Variants in TPP2 observed in about 807,000 individuals in gnomAD.
The protein encoded by TPP2 is tripeptidyl-peptidase 2.
Under a neutral mutation model 155.9 loss-of-function variants are expected in TPP2, and 34 were observed. The observed-to-expected ratio is 0.22, with a 90% CI of 0.17 to 0.29. The LOEUF (loss-of-function observed/expected upper bound fraction) is 0.29. Ranked by LOEUF, TPP2 falls within the 10% of genes least tolerant of loss-of-function variation. The probability of loss-of-function intolerance (pLI) is 1.00; values close to 1 mark genes in which losing one functional copy is unlikely to be tolerated. For missense variants in TPP2, 1,028 were observed against 1,522.3 expected (o/e 0.68, Z 5.40); for synonymous variants, 510 against 529.4 (o/e 0.96, Z 0.50).
rs559631717 is a variant in TPP2, at chr13:102,670,568, A to G, written c.3372-3715A>G. Among the ~76,000 whole-genome samples the G allele has an allele frequency of 1.5e-3, 234 of 152,304 alleles. 1 individual carries two copies. The highest frequency in any genetic ancestry group is 5.3e-3 in the African/African-American group (219 of 41,552). ...AACAAACAATTGAACTGAATATTGA[A>G]TATCGTGGGTCTGTGCAATCCTGTT... On this transcript the variant is annotated intron_variant, in intron 27 of 29. Transcript: ENST00000376052.
chr13:102,676,778 A>G (rs1020363485), intron 29 of TPP2, among the ~76,000 whole-genome samples: 1 of 152,182 alleles, frequency 6.6e-6, no homozygotes, highest in African/African-American at 2.4e-5. Context: ...TGGAGTTTAT[A>G]TTTGATTTTA....
In TPP2 at chr13:102,678,554, CT is replaced by C. The variant is rs1265214707; in HGVS notation, c.*239del. On this transcript the variant is annotated 3_prime_UTR_variant, in exon 30 of 30. Transcript: ENST00000376052. ...CACATTGCTGGCACGGGGATGTGCC[CT>C]GCCTGCCAGCACCTAGGACTTCGAG... 6 of 399,792 alleles carry C rather than the reference CT, an allele frequency of 1.5e-5. No homozygotes were observed. The highest frequency in any genetic ancestry group is 2.7e-5 in the Non-Finnish European group (6 of 221,948). 24.8% of individuals were successfully genotyped at this position (399,792 alleles called of 1,614,324 possible). A position where few individuals can be genotyped will look rare whatever the true frequency, so the allele number is the denominator to read the frequency against.
intron 19 of TPP2, 41 bp downstream of exon 19, chr13:102,645,050 G>T (rs780472348): frequency 5.8e-6 from 9 of 1,563,654 alleles, no homozygotes; most frequent in Non-Finnish European, 7.9e-6. Flanking sequence ...ATTGAATATA[G>T]ATTGGGGGGA....
intron 4 of TPP2, among the ~76,000 whole-genome samples, chr13:102,617,056 G>A (rs965125040): frequency 4.0e-5 from 6 of 151,080 alleles, no homozygotes; most frequent in Non-Finnish European, 7.4e-5. Flanking sequence ...TTACAGGCAC[G>A]TGCCACCACA....
At chr13:102,676,167 A>T (rs958848598) in intron 28 of TPP2, 129 bp from the exon 29 acceptor site, 29 of 845,450 alleles carry the variant, frequency 3.4e-5, no homozygotes, top group African/African-American at 5.4e-5. Context: ...AGTTTTTAAA[A>T]ATGTACTCTA....
At position 102,623,812 on chromosome 13, in the gene TPP2, A is replaced by G. The variant is rs142000374; in HGVS notation, c.784+772A>G. Among the ~76,000 whole-genome samples the G allele has an allele frequency of 2.0e-4, 31 of 152,310 alleles. No homozygotes were observed. The East Asian group carries it at 5.0e-3, about 25-fold the overall frequency. ...GGTATCTGGGGGGATTGGTTCTGGA[A>G]TGTCCCTCAGATGCTCAAGTACCTG... On this transcript the variant is annotated intron_variant, in intron 6 of 29. Coordinates refer to ENST00000376052, the MANE Select transcript of TPP2 (RefSeq NM_001330588.2).
chr13:102,602,141 A>G (rs9518791), intron 1 of TPP2, among the ~76,000 whole-genome samples: 85,249 of 151,966 alleles, frequency 0.56, 24,421 homozygotes, highest in African/African-American at 0.64. Flanking sequence ...TTCAAATTTC[A>G]TATTGGAATA....
chr13:102,656,947 A>G (rs2034314472), intron 24 of TPP2, 109 bp from the exon 25 acceptor site: 5 of 1,156,126 alleles, frequency 4.3e-6, no homozygotes, highest in Non-Finnish European at 4.9e-6. Flanking sequence ...AATACAGTGT[A>G]GTACAACTTA....
chr13:102,643,750 C>G (rs1016343564), intron 17 of TPP2, among the ~76,000 whole-genome samples: 1 of 152,162 alleles, frequency 6.6e-6, no homozygotes, highest in Non-Finnish European at 1.5e-5. Flanking sequence ...AGCTATGAGG[C>G]TAATTTGCAT....
chr13:102,614,046 A>G (rs1595141348), intron 2 of TPP2, 55 bp from the exon 3 acceptor site: 4 of 1,500,918 alleles, frequency 2.7e-6, no homozygotes, highest in African/African-American at 1.4e-5. Flanking sequence ...GTAGTGTATC[A>G]TTGGAATTGG....
intron 13 of TPP2, among the ~76,000 whole-genome samples, chr13:102,636,664 A>T (rs1882402269): frequency 1.3e-5 from 2 of 152,224 alleles, no homozygotes; most frequent in Admixed American, 1.3e-4. Context: ...ATAATAAAAT[A>T]TCAAATTTCT....
rs373826214 is a variant in TPP2 at position 102,663,752 on chromosome 13, A to G, written c.3240+8A>G. 92 of 1,577,636 alleles carry G rather than the reference A, an allele frequency of 5.8e-5. No homozygotes were observed. Among genetic ancestry groups the G allele is most frequent in the African/African-American group, 5.1e-4 (37 of 72,984 alleles). On this transcript the variant is annotated splice_region_variant and intron_variant, in intron 26 of 29. Coordinates refer to ENST00000376052, the MANE Select transcript of TPP2 (RefSeq NM_001330588.2). ...CAATTGGATGCTGAAAAGGTTAGAC[A>G]TGTTCATTCTGATATATCTTATTTT...
intron 27 of TPP2, among the ~76,000 whole-genome samples, chr13:102,667,238 A>C (rs1884669959): frequency 6.6e-6 from 1 of 152,100 alleles, no homozygotes; most frequent in Admixed American, 6.6e-5. Flanking sequence ...AGTTAATATC[A>C]TGTTTTAGTT....
chr13:102,607,729 G>A, intron 2 of TPP2: 1 of 421,068 alleles, frequency 2.4e-6, no homozygotes, highest in Non-Finnish European at 4.8e-6. Context: ...TGGGATTACA[G>A]GCATGCGCCA....
chr13:102,602,665 C>T (rs1879515703), intron 1 of TPP2, among the ~76,000 whole-genome samples: 1 of 152,200 alleles, frequency 6.6e-6, no homozygotes. Flanking sequence ...ATTTCCCTCT[C>T]CTTCTTCAGG....
At position 102,635,736 on chromosome 13, in the gene TPP2, G is replaced by A. The variant is rs1049916415; in HGVS notation, c.1509+34G>A. 6 of 1,452,564 alleles carry A rather than the reference G, an allele frequency of 4.1e-6. No individual in the cohort carries two copies. The Admixed American group carries it at 6.8e-5, about 16-fold the overall frequency. 90.0% of individuals were successfully genotyped at this position (1,452,564 alleles called of 1,614,324 possible). A position where few individuals can be genotyped will look rare whatever the true frequency, so the allele number is the denominator to read the frequency against. ...GCCTATATGAAAAATGGGTTGTAAA[G>A]CATCATTGAGATAATATCTTAGATA... On this transcript the variant is annotated intron_variant, in intron 12 of 29. Transcript: ENST00000376052.
chr13:102,602,063 C>T (rs1879471012), intron 1 of TPP2, among the ~76,000 whole-genome samples: 1 of 152,104 alleles, frequency 6.6e-6, no homozygotes, highest in Non-Finnish European at 1.5e-5. Context: ...TTCTTGATCT[C>T]AAGTCACTCA....
rs574489679 is a variant in TPP2 at position 102,660,153 on chromosome 13, A to G, written c.3143+2946A>G. Among the ~76,000 whole-genome samples, 4 of 152,168 alleles carry G rather than the reference A, an allele frequency of 2.6e-5. No individual in the cohort carries two copies. In the South Asian group the frequency reaches 8.3e-4, roughly 32 times the overall value. On this transcript the variant is annotated intron_variant, in intron 25 of 29. Coordinates refer to ENST00000376052, the MANE Select transcript of TPP2 (RefSeq NM_001330588.2). ...AATCTGAAGCTGATTCTTATAAGTT[A>G]AGATGTATATGGTAAGCCTTAGAGC...
Position 102,630,199 on chromosome 13 carries a change from G to A in TPP2, c.1244+4G>A, listed in dbSNP as rs1881923198. The A allele has an allele frequency of 2.5e-6, 4 of 1,607,298 alleles. No individual in the cohort carries two copies. Among genetic ancestry groups the A allele is most frequent in the Non-Finnish European group, 2.6e-6 (3 of 1,174,506 alleles). ...CTTGGTCTTCTAGAGGACCTAGGTA[G>A]GTGCAGGTAGAACGCGGAACCATTA... On this transcript the variant is annotated splice_donor_region_variant and intron_variant, in intron 10 of 29. Transcript: ENST00000376052.
Sources: allele counts gnomAD v4.1 joint callset (sites outside exome capture counted in the v4.1 genomes callset), GRCh38; gene constraint gnomAD v4.1.1; transcripts MANE v1.5; gene names NCBI Gene and HGNC (gene_info 2026-07-23, HGNC 2026-07-21).